The following POMT2 variants were observed in gnomAD, a reference collection of about 807,000 sequenced individuals.
POMT2 encodes the protein protein O-mannosyl-transferase 2.
POMT2 carries 75 observed loss-of-function variants against 100.0 expected under a neutral mutation model. The observed-to-expected ratio is 0.75, with a 90% CI of 0.62 to 0.91. The LOEUF (loss-of-function observed/expected upper bound fraction) is 0.91. POMT2 is among the 40% of genes least tolerant of loss of function. POMT2 has a pLI of 0.00. For missense variants in POMT2, 940 were observed against 955.1 expected, an observed-to-expected ratio of 0.98 and a Z score of 0.21; for synonymous variants, 378 against 374.1, an observed-to-expected ratio of 1.01 and a Z score of -0.12.
intron 2 of POMT2, among the ~76,000 whole-genome samples, chr14:77,311,350 A>G (rs1891429795): frequency 6.6e-6 from 1 of 152,222 alleles, no homozygotes; most frequent in African/African-American, 2.4e-5. Context: ...ACAAATTCAC[A>G]TAACATAACA....
At chr14:77,298,592 G>C in intron 8 of POMT2, 97 bp downstream of exon 8, 1 of 1,334,228 alleles carries the variant, frequency 7.5e-7, no homozygotes, top group Non-Finnish European at 1.1e-6. Flanking sequence ...GCCATCACAG[G>C]CTAAAATAAC....
intron 20 of POMT2, 33 bp from the exon 21 acceptor site, chr14:77,277,514 A>C (rs1189002027): frequency 6.7e-7 from 1 of 1,497,980 alleles, no homozygotes; most frequent in Admixed American, 1.7e-5. Flanking sequence ...GGCAGTTGGC[A>C]CCCCCAGTGC....
chr14:77,296,590 G>T, intron 8 of POMT2: 1 of 322,154 alleles, frequency 3.1e-6, no homozygotes, highest in South Asian at 3.1e-5. Context: ...TGGATTCAAT[G>T]GAATAAAGAA....
At chr14:77,314,183 G>T (rs117009841) in intron 1 of POMT2, among the ~76,000 whole-genome samples, 1 of 152,106 alleles carries the variant, frequency 6.6e-6, no homozygotes, top group African/African-American at 2.4e-5. Flanking sequence ...CAACCTTGAG[G>T]GAAGTTAGTG....
At chr14:77,284,111 C>A in intron 14 of POMT2, 1 of 534,574 alleles carries the variant, frequency 1.9e-6, no homozygotes, top group South Asian at 1.9e-5. Flanking sequence ...CTGCTTGGTG[C>A]TCCAACAGCT....
rs1370847061 is a variant in POMT2, at chr14:77,279,892, A to G, written c.1822T>C (p.Tyr608His). 1.9e-6 allele frequency: 3 copies of G among 1,614,128 alleles called. No homozygotes were observed. Among genetic ancestry groups the G allele is most frequent in the South Asian group, 2.2e-5 (2 of 91,086 alleles). Residue 608 changes from tyrosine (Y) to histidine (H), a missense_variant, in exon 18 of 21, where the codon TAC (tyrosine) becomes CAC (histidine). Transcript: ENST00000261534. The stretch of plus-strand genomic sequence containing the variant: ...GCAATGATGCTCCCTGAGAGGAGGT[A>G]GAGGGCGATGCTCAACAGATTCAGC... ...WWLNLLSIAL[Y>H]LLSGSIIAVA...
At chr14:77,279,522 A>G (rs1890124485) in intron 18 of POMT2, 1 of 543,168 alleles carries the variant, frequency 1.8e-6, no homozygotes, top group Non-Finnish European at 3.5e-6. Context: ...TTTGAGCCTC[A>G]GCTCTATCAC....
chr14:77,294,532 C>T (rs768200350), intron 9 of POMT2, among the ~76,000 whole-genome samples: 2 of 152,210 alleles, frequency 1.3e-5, no homozygotes, highest in African/African-American at 2.4e-5. Context: ...CCATGTTGGC[C>T]AGGCTGGTCT....
At chr14:77,286,645 G>A (rs1890433100) in intron 12 of POMT2, 99 bp downstream of exon 12, 2 of 1,550,372 alleles carry the variant, frequency 1.3e-6, no homozygotes, top group Admixed American at 1.7e-5. Context: ...TTATCCTCAG[G>A]AACATTCCAG....
chr14:77,290,684 T>G (rs1304137790), intron 10 of POMT2, among the ~76,000 whole-genome samples: 1 of 152,230 alleles, frequency 6.6e-6, no homozygotes, highest in Non-Finnish European at 1.5e-5. Context: ...AAGGAAGATC[T>G]GGCTCTAGCT....
rs778785795 is a variant in POMT2 at position 77,304,636 on chromosome 14, A to G, written c.547+56T>C. The G allele has an allele frequency of 1.0e-5, 16 of 1,548,120 alleles. No individual in the cohort carries two copies. The Middle Eastern group carries it at 6.6e-4, about 63-fold the overall frequency. ...CTTGAATGTACTGATTTTCAGCTAC[A>G]TTCACGGAGTGGCAGCCCATTTCCC... On this transcript the variant is annotated intron_variant, in intron 4 of 20. Coordinates refer to ENST00000261534, the MANE Select transcript of POMT2 (RefSeq NM_013382.7).
At chr14:77,278,999 A>C in intron 18 of POMT2, 130 bp from the exon 19 acceptor site, 1 of 1,234,152 alleles carries the variant, frequency 8.1e-7, no homozygotes, top group Non-Finnish European at 1.1e-6. Flanking sequence ...ACCAACCCAA[A>C]CCACGCTACA....
At position 77,286,757 on chromosome 14, in the gene POMT2, G is replaced by C. The variant is rs769494827; in HGVS notation, c.1319C>G (p.Thr440Ser). 6.2e-7 allele frequency: 1 copy of C among 1,614,146 alleles called. No individual in the cohort carries two copies. The highest frequency in any genetic ancestry group is 8.5e-7 in the Non-Finnish European group (1 of 1,180,034). ...TTGCTTACTTACTATGCCATAGCCG[G>C]TGACCTGATAGTGCTTCCGGGTCAT... ...APMTRKHYQV[T>S]GYGINGTGDS... Residue 440 changes from threonine (T) to serine (S), a missense_variant, in exon 12 of 21, where the codon ACC (threonine) becomes AGC (serine). Coordinates refer to ENST00000261534, the MANE Select transcript of POMT2 (RefSeq NM_013382.7).
At position 77,276,119 on chromosome 14, in the gene POMT2, G is replaced by C. The variant is rs1273733128; in HGVS notation, c.*1257C>G. On this transcript the variant is annotated 3_prime_UTR_variant, in exon 21 of 21. Transcript: ENST00000261534. The stretch of plus-strand genomic sequence containing the variant: ...TTTTGTCATGCACCAGGAAGGTGGA[G>C]GCAGGCTTAAGGGCTGGCCTTGGGT... 1 of 152,592 alleles carries C rather than the reference G, an allele frequency of 6.6e-6. No homozygotes were observed. The highest frequency in any genetic ancestry group is 2.4e-5 in the African/African-American group (1 of 41,464). The allele number at this position is 152,592 out of a possible 1,614,324, so 9.5% of individuals were successfully genotyped here. A position where few individuals can be genotyped will look rare whatever the true frequency, so the allele number is the denominator to read the frequency against.
At chr14:77,279,301 G>A (rs1890112943) in intron 18 of POMT2, 4 of 368,740 alleles carry the variant, frequency 1.1e-5, no homozygotes, top group Non-Finnish European at 2.1e-5. Flanking sequence ...GAGGCAAAAG[G>A]GCCTGTGTGA....
chr14:77,276,401 G>A lies in POMT2; in HGVS notation c.*975C>T, dbSNP rs1889954741. On this transcript the variant is annotated 3_prime_UTR_variant, in exon 21 of 21. Coordinates refer to ENST00000261534, the MANE Select transcript of POMT2 (RefSeq NM_013382.7). ...CAGGTGACAGGAACATTAGTCTGGA[G>A]AGGCCAGAGTCCCCACATCCCAGCA... The A allele has an allele frequency of 6.5e-6, 1 of 152,746 alleles. No individual in the cohort carries two copies. The highest frequency in any genetic ancestry group is 1.5e-5 in the Non-Finnish European group (1 of 68,232). The allele number at this position is 152,746 out of a possible 1,614,324, so 9.5% of individuals were successfully genotyped here.
At chr14:77,298,560 A>G (rs1890912062) in intron 8 of POMT2, 129 bp downstream of exon 8, 1 of 942,332 alleles carries the variant, frequency 1.1e-6, no homozygotes, top group Admixed American at 2.0e-5. Context: ...CACCAGATCT[A>G]TCTGGGTCTT....
chr14:77,279,467 C>T, intron 18 of POMT2: 1 of 482,018 alleles, frequency 2.1e-6, no homozygotes. Flanking sequence ...GCTCTGTACA[C>T]AGCATGGGGC....
chr14:77,297,458 G>T (rs1861889), intron 8 of POMT2, among the ~76,000 whole-genome samples: 8,134 of 152,174 alleles, frequency 0.053, 268 homozygotes, highest in South Asian at 0.08. Context: ...GAAAGCATCA[G>T]CCCCAAATCC....
Sources: gnomAD v4.1 joint callset for allele counts (sites outside exome capture counted in the v4.1 genomes callset) on GRCh38, gnomAD v4.1.1 for gene constraint, MANE v1.5 for transcripts, NCBI Gene and HGNC (gene_info 2026-07-23, HGNC 2026-07-21) for gene names.